The following KRCC1 variants were observed in gnomAD, a reference collection of about 807,000 sequenced individuals.
The protein encoded by KRCC1 is lysine rich coiled-coil 1.
KRCC1 carries 3 observed loss-of-function variants against 7.4 expected under a neutral mutation model. The observed-to-expected ratio is 0.40, with a 90% confidence interval of 0.18 to 1.04. KRCC1 has a LOEUF of 1.04. Ranked by LOEUF, KRCC1 falls within the 50% of genes least tolerant of loss-of-function variation. The pLI, the probability that KRCC1 is intolerant of heterozygous loss-of-function variation, is 0.33. For missense variants in KRCC1, 277 were observed against 300.9 expected (o/e 0.92, Z 0.59); for synonymous variants, 102 against 101.6 (o/e 1.00, Z -0.02).
At chr2:88,050,130 A>C (rs746027894) in intron 1 of KRCC1, among the ~76,000 whole-genome samples, 1 of 152,256 alleles carries the variant, frequency 6.6e-6, no homozygotes, top group South Asian at 2.1e-4. Flanking sequence ...CAGGAACTCA[A>C]AAATGTTTTC....
At chr2:88,030,198 A>G (rs56386048) in intron 3 of KRCC1, among the ~76,000 whole-genome samples, 1 of 149,124 alleles carries the variant, frequency 6.7e-6, no homozygotes, top group East Asian at 2.1e-4. Context: ...TTAGGAGGGC[A>G]TATATCCCAT....
At chr2:88,039,992 T>A (rs1445801043) in intron 1 of KRCC1, among the ~76,000 whole-genome samples, 1 of 152,082 alleles carries the variant, frequency 6.6e-6, no homozygotes, top group African/African-American at 2.4e-5. Context: ...CATTGAGACA[T>A]CTGTCTCTAC....
At chr2:88,046,503 C>A (rs1359468508) in intron 1 of KRCC1, among the ~76,000 whole-genome samples, 4 of 152,184 alleles carry the variant, frequency 2.6e-5, no homozygotes. Context: ...CTAGTAACTA[C>A]AGAAAGACAA....
intron 1 of KRCC1, among the ~76,000 whole-genome samples, chr2:88,052,361 T>C (rs939433564): frequency 3.9e-5 from 6 of 152,264 alleles, no homozygotes; most frequent in Admixed American, 3.3e-4. Flanking sequence ...GAAAGTACAT[T>C]ATCAGAACAC....
intron 3 of KRCC1, among the ~76,000 whole-genome samples, chr2:88,031,378 T>G (rs985511526): frequency 1.3e-5 from 2 of 151,720 alleles, no homozygotes; most frequent in Non-Finnish European, 2.9e-5. Context: ...ATCCCAGAAC[T>G]TTGGGAGGCC....
intron 1 of KRCC1, among the ~76,000 whole-genome samples, chr2:88,048,010 A>G (rs1004219903): frequency 2.6e-5 from 4 of 152,046 alleles, no homozygotes; most frequent in South Asian, 2.1e-4. Context: ...TCACTAACAT[A>G]TATTAGGAGA....
At chr2:88,047,928 T>C (rs150115142) in intron 1 of KRCC1, among the ~76,000 whole-genome samples, 49 of 152,328 alleles carry the variant, frequency 3.2e-4, no homozygotes, top group African/African-American at 1.1e-3. Flanking sequence ...ATTTTAGGTG[T>C]CAGTAGCTTA....
At chr2:88,035,305 C>T (rs1004623250) in intron 2 of KRCC1, among the ~76,000 whole-genome samples, 2 of 152,178 alleles carry the variant, frequency 1.3e-5, no homozygotes, top group Non-Finnish European at 2.9e-5. Flanking sequence ...TTTTAGACTA[C>T]ATTTTCTGGC....
chr2:88,028,663 T>TC (rs68101803), intron 3 of KRCC1, 78 bp from the exon 4 acceptor site: 16 of 814,350 alleles, frequency 2.0e-5, no homozygotes, highest in Admixed American at 1.2e-4. Flanking sequence ...TTTTTTTTTT[T>TC]TCTTGAGATG....
At chr2:88,042,832 T>C (rs2104617764) in intron 1 of KRCC1, among the ~76,000 whole-genome samples, 1 of 152,352 alleles carries the variant, frequency 6.6e-6, no homozygotes, top group Non-Finnish European at 1.5e-5. Flanking sequence ...GTGAAAACTT[T>C]AAGCAGGATA....
At chr2:88,035,159 T>C (rs2104609037) in intron 2 of KRCC1, among the ~76,000 whole-genome samples, 1 of 152,366 alleles carries the variant, frequency 6.6e-6, no homozygotes, top group Admixed American at 6.5e-5. Flanking sequence ...CTTCAGTAGA[T>C]AATCCTATGA....
chr2:88,042,300 T>C (rs1438186354), intron 1 of KRCC1, among the ~76,000 whole-genome samples: 1 of 152,138 alleles, frequency 6.6e-6, no homozygotes, highest in Non-Finnish European at 1.5e-5. Context: ...GACCTCATGA[T>C]CCAACCCCCT....
intron 1 of KRCC1, among the ~76,000 whole-genome samples, chr2:88,045,959 C>T (rs1294735335): frequency 1.3e-5 from 2 of 152,124 alleles, no homozygotes; most frequent in Admixed American, 6.5e-5. Context: ...GGATTACAGG[C>T]GTGAGCCACC....
In KRCC1 at chr2:88,028,035, T is replaced by C. The variant is rs745710542; in HGVS notation, c.529A>G (p.Lys177Glu). The change falls in exon 4 of 4, where the codon AAG becomes GAG. Residue 177 changes from lysine (K) to glutamate (E), a missense_variant. Coordinates refer to ENST00000347055, the MANE Select transcript of KRCC1 (RefSeq NM_016618.3). Reference sequence around the variant, plus strand: ...TCGCAGCTTTTTTTTCTCTTATGCTTAGACCGCTCCTCCTCTGATTTTTCT... The same window carrying C: ...TCGCAGCTTTTTTTTCTCTTATGCTCAGACCGCTCCTCCTCTGATTTTTCT... Reference protein sequence around the residue: ...GREKSEEERSKHKRKKSCEEI... With the variant: ...GREKSEEERSEHKRKKSCEEI... The C allele has an allele frequency of 9.3e-6, 15 of 1,614,056 alleles. No individual in the cohort carries two copies. Among genetic ancestry groups the C allele is most frequent in the Non-Finnish European group, 1.2e-5 (14 of 1,180,046 alleles).
At chr2:88,055,154 CG>C (rs1462686988) in intron 1 of KRCC1, among the ~76,000 whole-genome samples, 1 of 151,820 alleles carries the variant, frequency 6.6e-6, no homozygotes, top group Admixed American at 6.6e-5. Context: ...CTGCTTTCCC[CG>C]ATTCCTAAAT....
intron 1 of KRCC1, among the ~76,000 whole-genome samples, chr2:88,051,619 G>A (rs556460193): frequency 1.3e-5 from 2 of 152,316 alleles, no homozygotes; most frequent in South Asian, 4.1e-4. Context: ...TTTACCGGAA[G>A]TAAAGTGACA....
At position 88,055,679 on chromosome 2, in the gene KRCC1, G is replaced by C. The variant is rs1465257394; in HGVS notation, c.-344C>G. The C allele has an allele frequency of 1.3e-5, 2 of 152,712 alleles. No homozygotes were observed. The highest frequency in any genetic ancestry group is 2.9e-5 in the Non-Finnish European group (2 of 68,458). The allele number at this position is 152,712 out of a possible 1,614,324, so 9.5% of individuals were successfully genotyped here. A position where few individuals can be genotyped will look rare whatever the true frequency, so the allele number is the denominator to read the frequency against. On this transcript the variant is annotated 5_prime_UTR_variant, in exon 1 of 4. Coordinates refer to ENST00000347055, the MANE Select transcript of KRCC1 (RefSeq NM_016618.3). The stretch of plus-strand genomic sequence containing the variant: ...AACTACTGTCCCCCGCCCCGCCAAC[G>C]CCGCCAGCCAGGGGATAAGCCGCGG...
At chr2:88,054,392 A>C (rs1673566330) in intron 1 of KRCC1, among the ~76,000 whole-genome samples, 1 of 152,218 alleles carries the variant, frequency 6.6e-6, no homozygotes, top group African/African-American at 2.4e-5. Context: ...AAAAGGGCTC[A>C]CAACTACGAA....
intron 1 of KRCC1, among the ~76,000 whole-genome samples, chr2:88,038,314 G>C (rs1489419918): frequency 6.6e-6 from 1 of 152,164 alleles, no homozygotes; most frequent in African/African-American, 2.4e-5. Flanking sequence ...ATATTTGCTG[G>C]GAGGAAGACA....
Sources: allele counts gnomAD v4.1 joint callset (sites outside exome capture counted in the v4.1 genomes callset), GRCh38; gene constraint gnomAD v4.1.1; transcripts MANE v1.5; gene names NCBI Gene and HGNC (gene_info 2026-07-23, HGNC 2026-07-21).